SLFN12L: variants seen among roughly 807,000 people sequenced by gnomAD.
SLFN12L encodes the protein schlafen family member 12-like.
Under a neutral mutation model 34.8 loss-of-function variants are expected in SLFN12L, and 34 were observed. The ratio of observed to expected loss-of-function variants is 0.98; its 90% CI spans 0.74 to 1.30. The LOEUF is 1.30. Ranked by LOEUF, SLFN12L falls within the 50% of genes most tolerant of loss-of-function variation. SLFN12L has a pLI of 0.00. For missense variants in SLFN12L, 703 were observed against 696.2 expected (o/e 1.01, Z -0.11); for synonymous variants, 259 against 247.5 (o/e 1.05, Z -0.44).
intron 1 of SLFN12L, among the ~76,000 whole-genome samples, chr17:35,530,417 GGA>G (rs2072384730): frequency 7.7e-5 from 1 of 12,936 alleles, no homozygotes; most frequent in African/African-American, 2.1e-4. Flanking sequence ...AAGGAAGGAA[GGA>G]AGGAAGGAAG....
intron 2 of SLFN12L, chr17:35,498,546 A>C: frequency 7.3e-7 from 1 of 1,365,076 alleles, no homozygotes; most frequent in Non-Finnish European, 1.0e-6. Flanking sequence ...GGTCCAGAAC[A>C]GTCCAAAAAG....
intron 2 of SLFN12L, among the ~76,000 whole-genome samples, chr17:35,518,549 T>TAAGAAA (rs568965601): frequency 2.2e-5 from 3 of 137,878 alleles, no homozygotes; most frequent in African/African-American, 5.4e-5. Context: ...AGACTGTATT[T>TAAGAAA]AAAAAAAAAA....
chr17:35,523,652 T>C (rs1242434533), intron 1 of SLFN12L, among the ~76,000 whole-genome samples: 7 of 152,168 alleles, frequency 4.6e-5, no homozygotes, highest in African/African-American at 1.7e-4. Flanking sequence ...AAACTTATTT[T>C]AGGCTGGGTG....
chr17:35,474,755 C>T lies in SLFN12L; in HGVS notation c.*168G>A. 1 of 540,018 alleles carries T rather than the reference C, an allele frequency of 1.9e-6. No individual in the cohort carries two copies. The highest frequency in any genetic ancestry group is 3.0e-6 in the Non-Finnish European group (1 of 332,498). The allele number at this position is 540,018 out of a possible 1,614,324, so 33.5% of individuals were successfully genotyped here. On this transcript the variant is annotated 3_prime_UTR_variant, in exon 5 of 5. Coordinates refer to ENST00000628453, the MANE Select transcript of SLFN12L (RefSeq NM_001363830.2). ...CCTGGCCAAGACGGTGAAACCCCAT[C>T]TCTGCTAAAAATACAAAAAAAAAAA...
Position 35,465,228 on chromosome 17 carries a change from T to C in SLFN12L, c.*9695A>G, listed in dbSNP as rs1913704339. Among the ~76,000 whole-genome samples the C allele has an allele frequency of 6.6e-6, 1 of 152,178 alleles. No homozygotes were observed. The highest frequency in any genetic ancestry group is 2.4e-5 in the African/African-American group (1 of 41,440). ...TTTAACATTTGCCAAAATGCACCAATTGAGAAACCTCGTGGACTTAATAAA... is the reference window on the plus strand; with the variant it reads ...TTTAACATTTGCCAAAATGCACCAACTGAGAAACCTCGTGGACTTAATAAA... On this transcript the variant is annotated 3_prime_UTR_variant, in exon 5 of 5. Coordinates refer to ENST00000628453, the MANE Select transcript of SLFN12L (RefSeq NM_001363830.2).
At position 35,495,908 on chromosome 17, in the gene SLFN12L, C is replaced by CAT. The variant is rs1361988096; in HGVS notation, c.87-15714_87-15713insAT. Among the ~76,000 whole-genome samples the CAT allele has an allele frequency of 4.5e-5, 3 of 67,364 alleles. No individual in the cohort carries two copies. The East Asian group carries it at 1.7e-3, about 38-fold the overall frequency. The allele number at this position is 67,364 out of a possible 152,430, so 44.2% of individuals were successfully genotyped here. On this transcript the variant is annotated intron_variant, in intron 2 of 4. Coordinates refer to ENST00000628453, the MANE Select transcript of SLFN12L (RefSeq NM_001363830.2). The stretch of plus-strand genomic sequence containing the variant: ...GGAGAAAGCCGATTTGAAACACACA[C>CAT]ACACACACACACACACACACACACA...
Position 35,479,771 on chromosome 17 carries a change from T to A in SLFN12L, c.511A>T (p.Arg171Ter). Residue 171 changes from arginine to a stop codon, truncating the protein, a stop_gained, in exon 3 of 5, where the codon AGA (arginine) becomes TGA (stop). Coordinates refer to ENST00000628453, the MANE Select transcript of SLFN12L (RefSeq NM_001363830.2). LOFTEE classifies it high-confidence loss of function. ...IATLSSSLYKRDVTSAKVMNA... is the reference protein window; with the variant it reads ...IATLSSSLYK ...ATGACTTTTGCAGACGTTACATCTC[T>A]CTTGTACAAACTGGAGCTCAACGTG... 6.2e-7 allele frequency: 1 copy of A among 1,613,910 alleles called. No homozygotes were observed. Among genetic ancestry groups the A allele is most frequent in the Non-Finnish European group, 8.5e-7 (1 of 1,179,884 alleles).
rs1277432365 is a variant in SLFN12L at position 35,530,424 on chromosome 17, A to AGGAAG, written c.-606+7144_-606+7148dup. Among the ~76,000 whole-genome samples, 9 of 6,696 alleles carry AGGAAG rather than the reference A, an allele frequency of 1.3e-3. 1 individual carries two copies. The highest frequency in any genetic ancestry group is 3.8e-3 in the Non-Finnish European group (9 of 2,360). 4.4% of individuals were successfully genotyped at this position (6,696 alleles called of 152,430 possible). On this transcript the variant is annotated intron_variant, in intron 1 of 4. Coordinates refer to ENST00000628453, the MANE Select transcript of SLFN12L (RefSeq NM_001363830.2). The stretch of plus-strand genomic sequence containing the variant: ...AAGGAAGGAAGGAAGGAAGGAAGGA[A>AGGAAG]GGAAGGGAAGGGAAGGGAAGAAAGA...
At chr17:35,475,533 C>T (rs1913962217) in intron 4 of SLFN12L, 48 bp from the exon 5 acceptor site, 1 of 1,491,538 alleles carries the variant, frequency 6.7e-7, no homozygotes. Context: ...GAACTTCCAA[C>T]TTAAGCCATG....
At chr17:35,480,512 T>A in intron 2 of SLFN12L, 1 of 225,122 alleles carries the variant, frequency 4.4e-6, no homozygotes, top group Non-Finnish European at 8.5e-6. Context: ...TTTAAGTAAA[T>A]CCCTGGAGGG....
In SLFN12L at chr17:35,464,858, AG is replaced by A. The variant is rs1336542059; in HGVS notation, c.*10064del. Among the ~76,000 whole-genome samples the A allele has an allele frequency of 6.6e-6, 1 of 152,048 alleles. No individual in the cohort carries two copies. Among genetic ancestry groups the A allele is most frequent in the Admixed American group, 6.6e-5 (1 of 15,248 alleles). ...GGTCGTGATTGGGTTTAGAACTGTA[AG>A]GTTTTTTGTTTTCTGTTTTTTGCTT... On this transcript the variant is annotated 3_prime_UTR_variant, in exon 5 of 5. Coordinates refer to ENST00000628453, the MANE Select transcript of SLFN12L (RefSeq NM_001363830.2).
intron 2 of SLFN12L, among the ~76,000 whole-genome samples, chr17:35,514,391 T>C (rs577196472): frequency 2.0e-5 from 3 of 152,370 alleles, no homozygotes; most frequent in Admixed American, 2.0e-4. Context: ...TATAGCATAA[T>C]GCACTAGCCG....
At position 35,470,937 on chromosome 17, in the gene SLFN12L, T is replaced by A. The variant is rs1039812609; in HGVS notation, c.*3986A>T. On this transcript the variant is annotated 3_prime_UTR_variant, in exon 5 of 5. Transcript: ENST00000628453. ...TTTCATTTTCTGTTCCCATGTTAGT[T>A]TGCTGAGGATGATGGCTTCCAGCTT... Among the ~76,000 whole-genome samples, 1 of 152,086 alleles carries A rather than the reference T, an allele frequency of 6.6e-6. No individual in the cohort carries two copies. Among genetic ancestry groups the A allele is most frequent in the Admixed American group, 6.6e-5 (1 of 15,264 alleles).
intron 2 of SLFN12L, among the ~76,000 whole-genome samples, chr17:35,517,921 TA>T (rs1400557360): frequency 1.2e-4 from 18 of 152,288 alleles, no homozygotes; most frequent in African/African-American, 4.3e-4. Flanking sequence ...GACTTAAATG[TA>T]AAACTCAAAA....
Position 35,468,014 on chromosome 17 carries a change from A to G in SLFN12L, c.*6909T>C, listed in dbSNP as rs1034171977. Among the ~76,000 whole-genome samples, 1 of 152,048 alleles carries G rather than the reference A, an allele frequency of 6.6e-6. No individual in the cohort carries two copies. Among genetic ancestry groups the G allele is most frequent in the African/African-American group, 2.4e-5 (1 of 41,392 alleles). On this transcript the variant is annotated 3_prime_UTR_variant, in exon 5 of 5. Transcript: ENST00000628453. ...CCACTCTACTTCCTGGGTTCAGACA[A>G]TCCTCTCACCTCAGCCTCCTGAGAA...
chr17:35,488,329 G>A (rs992624214), intron 2 of SLFN12L, among the ~76,000 whole-genome samples: 2 of 152,244 alleles, frequency 1.3e-5, no homozygotes, highest in African/African-American at 4.8e-5. Flanking sequence ...AACCGGGGGA[G>A]AGCAGCTACT....
chr17:35,523,183 T>C (rs942401124), intron 1 of SLFN12L, among the ~76,000 whole-genome samples: 1 of 152,212 alleles, frequency 6.6e-6, no homozygotes, highest in Non-Finnish European at 1.5e-5. Context: ...GCCTTTGACC[T>C]AACCTCTCTG....
chr17:35,519,841 C>G (rs997030985), intron 2 of SLFN12L, among the ~76,000 whole-genome samples: 9 of 152,158 alleles, frequency 5.9e-5, no homozygotes, highest in Non-Finnish European at 1.0e-4. Flanking sequence ...AACCACTGAA[C>G]AGACCCTCTC....
intron 2 of SLFN12L, among the ~76,000 whole-genome samples, chr17:35,494,907 T>G (rs1007259380): frequency 3.3e-5 from 5 of 151,362 alleles, no homozygotes; most frequent in Non-Finnish European, 7.4e-5. Flanking sequence ...ATTTATTTAT[T>G]TATTTATTTA....
Sources: allele counts gnomAD v4.1 joint callset (sites outside exome capture counted in the v4.1 genomes callset), GRCh38; gene constraint gnomAD v4.1.1; transcripts MANE v1.5; gene names NCBI Gene and HGNC (gene_info 2026-07-23, HGNC 2026-07-21).